Variants in PTPN4 observed in about 807,000 individuals in gnomAD.
PTPN4 encodes tyrosine-protein phosphatase non-receptor type 4.
A neutral mutation model predicts 135.5 loss-of-function variants in PTPN4; 49 were observed. The observed-to-expected ratio is 0.36, with a 90% CI of 0.29 to 0.46. The LOEUF (loss-of-function observed/expected upper bound fraction) is 0.46, where lower values mean the gene tolerates loss of function less well. Ranked by LOEUF, PTPN4 falls within the 20% of genes least tolerant of loss-of-function variation. The pLI is 1.00. For synonymous variants in PTPN4, 333 were observed against 369.9 expected, an observed-to-expected ratio of 0.90 and a Z score of 1.14; for missense variants, 860 against 1,101.0, an observed-to-expected ratio of 0.78 and a Z score of 3.10.
intron 1 of PTPN4, 53 bp downstream of exon 1, chr2:119,760,437 A>C (rs1690461446): frequency 2.6e-6 from 1 of 388,648 alleles, no homozygotes; most frequent in Admixed American, 4.5e-5. Context: ...GTTGAACGGG[A>C]GGCTCTTACC....
chr2:119,917,961 T>C lies in PTPN4; in HGVS notation c.829-2108T>C, dbSNP rs1428600595. On this transcript the variant is annotated intron_variant, in intron 11 of 26. Coordinates refer to ENST00000263708, the MANE Select transcript of PTPN4 (RefSeq NM_002830.4). ...TAGAATATGGAAATTACTTATAGACTTTTTGAAAAGTATACCAAGTGTCAA... is the reference window on the plus strand; with the variant it reads ...TAGAATATGGAAATTACTTATAGACCTTTTGAAAAGTATACCAAGTGTCAA... Among the ~76,000 whole-genome samples, 9 of 152,210 alleles carry C rather than the reference T, an allele frequency of 5.9e-5. No homozygotes were observed. In the East Asian group the frequency reaches 1.3e-3, roughly 23 times the overall value.
At chr2:119,961,532 G>A (rs1679366799) in intron 23 of PTPN4, among the ~76,000 whole-genome samples, 2 of 152,116 alleles carry the variant, frequency 1.3e-5, no homozygotes, top group South Asian at 4.1e-4. Flanking sequence ...ACGTCGAGTT[G>A]GTATAACTTA....
chr2:119,771,204 T>TCCATC (rs1171693340), intron 1 of PTPN4, among the ~76,000 whole-genome samples: 1 of 152,144 alleles, frequency 6.6e-6, no homozygotes, highest in African/African-American at 2.4e-5. Flanking sequence ...TCTTGGACTT[T>TCCATC]CCATCCCAGC....
At chr2:119,973,196 A>G (rs908969179) in intron 26 of PTPN4, among the ~76,000 whole-genome samples, 2 of 152,056 alleles carry the variant, frequency 1.3e-5, no homozygotes, top group Non-Finnish European at 2.9e-5. Flanking sequence ...GGTAACCACC[A>G]TTCTACTTTC....
chr2:119,765,186 C>G (rs1690590126), intron 1 of PTPN4, among the ~76,000 whole-genome samples: 1 of 152,132 alleles, frequency 6.6e-6, no homozygotes, highest in Non-Finnish European at 1.5e-5. Context: ...GATGATCAGT[C>G]AGTGATAGTT....
chr2:119,929,021 G>A (rs1678864300), intron 13 of PTPN4, among the ~76,000 whole-genome samples: 1 of 151,994 alleles, frequency 6.6e-6, no homozygotes, highest in Non-Finnish European at 1.5e-5. Flanking sequence ...TTGTTTAATA[G>A]GTTATTTTAT....
chr2:119,842,504 G>A (rs1677396430), intron 2 of PTPN4, among the ~76,000 whole-genome samples: 2 of 152,184 alleles, frequency 1.3e-5, no homozygotes, highest in South Asian at 2.1e-4. Flanking sequence ...TTTTCATGGT[G>A]GAAATCCACT....
intron 11 of PTPN4, among the ~76,000 whole-genome samples, chr2:119,919,513 G>A (rs1247739353): frequency 6.6e-6 from 1 of 152,106 alleles, no homozygotes; most frequent in Non-Finnish European, 1.5e-5. Context: ...TAAGGTTAAA[G>A]TTCCTAAGAG....
chr2:119,924,535 T>C (rs1475038293), intron 12 of PTPN4, among the ~76,000 whole-genome samples: 5 of 152,106 alleles, frequency 3.3e-5, no homozygotes, highest in Admixed American at 2.6e-4. Flanking sequence ...AATAAGCCTA[T>C]ATATAAAGAG....
chr2:119,908,560 CACTG>C (rs1052629497), intron 10 of PTPN4, among the ~76,000 whole-genome samples: 11 of 152,102 alleles, frequency 7.2e-5, no homozygotes, highest in Admixed American at 2.6e-4. Context: ...CTTTCTGCCC[CACTG>C]ACTGGCCGTT....
At chr2:119,885,953 T>G in intron 9 of PTPN4, 71 bp downstream of exon 9, 1 of 1,054,504 alleles carries the variant, frequency 9.5e-7, no homozygotes, top group Non-Finnish European at 1.3e-6. Context: ...TTTTTAAGAT[T>G]AGATAACAAA....
chr2:119,919,991 T>A, intron 11 of PTPN4, 78 bp from the exon 12 acceptor site: 1 of 1,499,352 alleles, frequency 6.7e-7, no homozygotes, highest in Non-Finnish European at 8.9e-7. Context: ...GAATAATTTA[T>A]CTGTCAAAAG....
At chr2:119,794,931 G>C (rs1381788730) in intron 1 of PTPN4, among the ~76,000 whole-genome samples, 1 of 152,196 alleles carries the variant, frequency 6.6e-6, no homozygotes, top group Non-Finnish European at 1.5e-5. Flanking sequence ...CCTCTCTGTA[G>C]TCAGAGTGTC....
chr2:119,971,780 C>T (rs185037830), intron 26 of PTPN4, among the ~76,000 whole-genome samples: 1 of 152,326 alleles, frequency 6.6e-6, no homozygotes, highest in East Asian at 1.9e-4. Context: ...AGTTTTAGCT[C>T]TTGCATTTAG....
intron 11 of PTPN4, 124 bp downstream of exon 11, chr2:119,915,366 T>C (rs1378055952): frequency 1.5e-6 from 1 of 671,638 alleles, no homozygotes; most frequent in African/African-American, 1.9e-5. Flanking sequence ...AACTGCCCGC[T>C]GAGGTAATGA....
At chr2:119,772,047 T>C (rs1230373551) in intron 1 of PTPN4, among the ~76,000 whole-genome samples, 3 of 152,206 alleles carry the variant, frequency 2.0e-5, no homozygotes, top group Non-Finnish European at 4.4e-5. Flanking sequence ...TAATATTATT[T>C]TTGTGTGTTT....
At chr2:119,794,119 A>G (rs1275376020) in intron 1 of PTPN4, among the ~76,000 whole-genome samples, 1 of 151,980 alleles carries the variant, frequency 6.6e-6, no homozygotes, top group African/African-American at 2.4e-5. Context: ...AAGTGCTGGT[A>G]TTATAGGTTT....
intron 2 of PTPN4, among the ~76,000 whole-genome samples, chr2:119,828,410 C>T (rs750303323): frequency 2.6e-5 from 4 of 152,188 alleles, no homozygotes; most frequent in South Asian, 2.1e-4. Flanking sequence ...TGCATAGCAA[C>T]GTAAAATGCA....
chr2:119,968,425 G>C (rs1679475937), intron 26 of PTPN4, among the ~76,000 whole-genome samples: 1 of 152,162 alleles, frequency 6.6e-6, no homozygotes, highest in Non-Finnish European at 1.5e-5. Context: ...CCCTGAACTG[G>C]AGAGTCTTGA....
Sources: allele counts gnomAD v4.1 joint callset (sites outside exome capture counted in the v4.1 genomes callset), GRCh38; gene constraint gnomAD v4.1.1; transcripts MANE v1.5; gene names NCBI Gene and HGNC (gene_info 2026-07-23, HGNC 2026-07-21).